Variants in BICRA observed in about 807,000 individuals in gnomAD.
The protein encoded by BICRA is BRD4 interacting chromatin remodeling complex associated protein, also known as BRD4-interacting chromatin-remodeling complex-associated protein.
BICRA carries 31 observed loss-of-function variants against 96.9 expected under a neutral mutation model. The observed-to-expected ratio is 0.32, with a 90% CI of 0.24 to 0.43. The LOEUF is 0.43. Ranked by LOEUF, BICRA falls within the 20% of genes least tolerant of loss-of-function variation. BICRA has a pLI of 1.00. For missense variants in BICRA, 2,283 were observed against 2,190.3 expected (o/e 1.04, Z -0.84); for synonymous variants, 1,350 against 1,071.8 (o/e 1.26, Z -5.07).
chr19:47,620,700 A>C (rs1466810391), intron 1 of BICRA, among the ~76,000 whole-genome samples: 2 of 151,084 alleles, frequency 1.3e-5, no homozygotes, highest in African/African-American at 2.4e-5. Context: ...CAAGAACAAA[A>C]CCCACATGCT....
At chr19:47,621,937 G>A (rs1358780779) in intron 1 of BICRA, among the ~76,000 whole-genome samples, 3 of 150,828 alleles carry the variant, frequency 2.0e-5, no homozygotes, top group Non-Finnish European at 3.0e-5. Context: ...TGTTACAGGC[G>A]TGCACCACCA....
intron 1 of BICRA, among the ~76,000 whole-genome samples, chr19:47,618,102 G>C (rs1972011284): frequency 6.6e-6 from 1 of 152,170 alleles, no homozygotes; most frequent in Admixed American, 6.5e-5. Context: ...AAACCCTGTG[G>C]GTTGTTTCTG....
chr19:47,636,345 T>C (rs2123529263), intron 1 of BICRA, among the ~76,000 whole-genome samples: 2 of 152,292 alleles, frequency 1.3e-5, no homozygotes, highest in Admixed American at 1.3e-4. Context: ...GATCTGGGAC[T>C]ACAGGCATGT....
chr19:47,692,337 C>T (rs1181383666), intron 7 of BICRA, among the ~76,000 whole-genome samples: 1 of 152,148 alleles, frequency 6.6e-6, no homozygotes, highest in African/African-American at 2.4e-5. Context: ...AGCAATTCTC[C>T]AGCCTCAGTC....
Position 47,701,443 on chromosome 19 carries a change from G to C in BICRA, c.3711G>C (p.Gln1237His), listed in dbSNP as rs1446007327. 1.3e-6 allele frequency: 2 copies of C among 1,572,066 alleles called. No individual in the cohort carries two copies. Among genetic ancestry groups the C allele is most frequent in the African/African-American group, 2.7e-5 (2 of 73,830 alleles). Residue 1237 changes from glutamine (Q) to histidine (H), a missense_variant, in exon 15 of 15, where the codon CAG becomes CAC. Transcript: ENST00000594866. The surrounding 1 kb of genome is among the most constrained non-coding windows in gnomAD (Gnocchi z 5.4). ...LSSSAPGAST[Q>H]PPPHLPTKLV... is the part of the protein sequence containing the mutation. ...CTTCAGCTCCCGGGGCCTCCACCCAGCCCCCTCCACACCTGCCCACCAAGC... is the reference window on the plus strand; with the variant it reads ...CTTCAGCTCCCGGGGCCTCCACCCACCCCCCTCCACACCTGCCCACCAAGC...
intron 1 of BICRA, among the ~76,000 whole-genome samples, chr19:47,634,165 C>T (rs139272608): frequency 2.0e-4 from 31 of 152,246 alleles, no homozygotes; most frequent in African/African-American, 7.2e-4. Context: ...TGAGCAGTGG[C>T]GTCAGGCCTT....
chr19:47,635,943 T>G (rs1159203460), intron 1 of BICRA, among the ~76,000 whole-genome samples: 1 of 152,190 alleles, frequency 6.6e-6, no homozygotes, highest in Non-Finnish European at 1.5e-5. Flanking sequence ...TCTGAAACTT[T>G]TTGATCACCA....
intron 1 of BICRA, among the ~76,000 whole-genome samples, chr19:47,637,050 C>T (rs1169108350): frequency 2.0e-5 from 3 of 152,138 alleles, no homozygotes; most frequent in African/African-American, 7.2e-5. Flanking sequence ...GCGTCTCTCT[C>T]ACTGCTTATT....
chr19:47,673,552 T>G lies in BICRA; in HGVS notation c.-5-18T>G. 1.9e-6 allele frequency: 3 copies of G among 1,609,504 alleles called. No homozygotes were observed. Among genetic ancestry groups the G allele is most frequent in the Non-Finnish European group, 2.6e-6 (3 of 1,175,940 alleles). Reference sequence around the variant, plus strand: ...AACCTTGTCTCCCTCGCCCTCTTCCTGACCCCACCCCATCCAGTGGCGATG... The same window carrying G: ...AACCTTGTCTCCCTCGCCCTCTTCCGGACCCCACCCCATCCAGTGGCGATG... On this transcript the variant is annotated intron_variant, in intron 2 of 14. Transcript: ENST00000594866.
At chr19:47,629,936 C>G (rs1275308305) in intron 1 of BICRA, among the ~76,000 whole-genome samples, 1 of 152,238 alleles carries the variant, frequency 6.6e-6, no homozygotes, top group Non-Finnish European at 1.5e-5. Context: ...GCTGGGATTA[C>G]AGGCATGAGC....
chr19:47,698,990 C>T lies in BICRA; in HGVS notation c.3423C>T (p.Ser1141=). 1 of 1,586,196 alleles carries T rather than the reference C, an allele frequency of 6.3e-7. No individual in the cohort carries two copies. Among genetic ancestry groups the T allele is most frequent in the Non-Finnish European group, 8.6e-7 (1 of 1,166,802 alleles). Residue 1141 remains serine (S), a synonymous_variant, in exon 13 of 15, where the codon TCC becomes TCT. Coordinates refer to ENST00000594866, the MANE Select transcript of BICRA (RefSeq NM_001394372.1). This position sits in a 1 kb window ranked among gnomAD's most constrained non-coding sequence, Gnocchi z 4.8. ...HKVDEEFETV[S]TQLLKRTQAM... ...TGGACGAGGAGTTTGAGACGGTCTC[C>T]ACGCAGCTGCTGAAACGCACCCAGG...
chr19:47,682,079 C>T lies in BICRA; in HGVS notation c.2210C>T (p.Thr737Ile), dbSNP rs1430672945. Residue 737 changes from threonine (T) to isoleucine (I), a missense_variant, in exon 7 of 15, where the codon ACC becomes ATC. Thr to Ile is a moderately conservative substitution (Grantham distance 89). Coordinates refer to ENST00000594866, the MANE Select transcript of BICRA (RefSeq NM_001394372.1). ...CCCGCCCAAGACCCAGCCCCAGCCA[C>T]CCCCGTCGCCAAAGGAGCTGGCCTC... ...PPPAQDPAPATPVAKGAGLGP... is the reference protein window; with the variant it reads ...PPPAQDPAPAIPVAKGAGLGP... The T allele has an allele frequency of 1.3e-6, 2 of 1,514,824 alleles. No homozygotes were observed. Among genetic ancestry groups the T allele is most frequent in the Non-Finnish European group, 1.8e-6 (2 of 1,115,882 alleles). 93.8% of individuals were successfully genotyped at this position (1,514,824 alleles called of 1,614,324 possible).
At chr19:47,687,699 G>T (rs1973179884) in intron 7 of BICRA, among the ~76,000 whole-genome samples, 1 of 152,000 alleles carries the variant, frequency 6.6e-6, no homozygotes, top group African/African-American at 2.4e-5. Flanking sequence ...TACTTGGGAG[G>T]CTGAGGCAGG....
At chr19:47,671,698 G>T (rs1972863818) in intron 2 of BICRA, among the ~76,000 whole-genome samples, 1 of 151,254 alleles carries the variant, frequency 6.6e-6, no homozygotes, top group South Asian at 2.1e-4. Flanking sequence ...TAGAAGGATG[G>T]AGGGATGGGT....
intron 1 of BICRA, among the ~76,000 whole-genome samples, chr19:47,625,998 A>G (rs1260933790): frequency 6.6e-6 from 1 of 152,074 alleles, no homozygotes; most frequent in Non-Finnish European, 1.5e-5. Flanking sequence ...AGGGAGCTCC[A>G]GTCCTTTTAG....
At chr19:47,688,605 A>G (rs1973193609) in intron 7 of BICRA, among the ~76,000 whole-genome samples, 2 of 151,848 alleles carry the variant, frequency 1.3e-5, no homozygotes, top group South Asian at 4.1e-4. Flanking sequence ...CCTGGCCAAC[A>G]TGGTGAAACC....
chr19:47,680,902 G>A lies in BICRA; in HGVS notation c.1732G>A (p.Ala578Thr), dbSNP rs1973038841. Reference sequence around the variant, plus strand: ...GAGCCAGCCAGCGCCCGCCGGGCCGGCCGCCACCACTGTCCTCCAGGGGGT... The same window carrying A: ...GAGCCAGCCAGCGCCCGCCGGGCCGACCGCCACCACTGTCCTCCAGGGGGT... ...TQSQPAPAGP[A>T]ATTVLQGVTL... The change falls in exon 6 of 15, where the codon GCC becomes ACC. Residue 578 changes from alanine (A) to threonine (T), a missense_variant. By Grantham distance (58) the Ala-to-Thr change is moderately conservative. Transcript: ENST00000594866. 4 of 1,485,162 alleles carry A rather than the reference G, an allele frequency of 2.7e-6. No homozygotes were observed. The highest frequency in any genetic ancestry group is 1.3e-5 in the South Asian group (1 of 74,890). 92.0% of individuals were successfully genotyped at this position (1,485,162 alleles called of 1,614,324 possible).
Position 47,680,705 on chromosome 19 carries a change from A to G in BICRA, c.1535A>G (p.Asn512Ser), listed in dbSNP as rs1973032096. 2 of 1,600,188 alleles carry G rather than the reference A, an allele frequency of 1.2e-6. No individual in the cohort carries two copies. Among genetic ancestry groups the G allele is most frequent in the Non-Finnish European group, 1.7e-6 (2 of 1,174,356 alleles). The change falls in exon 6 of 15, where the codon AAC (asparagine) becomes AGC (serine). Residue 512 changes from asparagine to serine, a missense_variant. Asn to Ser is a conservative substitution (Grantham distance 46). Coordinates refer to ENST00000594866, the MANE Select transcript of BICRA (RefSeq NM_001394372.1). ...CACACAGGTGGACAGCTCATCGCGA[A>G]CCCCATCCTCACAAACCAGAACCTG... Reference protein sequence around the residue: ...APHTGGQLIANPILTNQNLAG... With the variant: ...APHTGGQLIASPILTNQNLAG...
rs550603671 is a variant in BICRA, at chr19:47,675,096, G to A, written c.85-755G>A. On this transcript the variant is annotated intron_variant, in intron 4 of 14. Transcript: ENST00000594866. The surrounding 1 kb of genome is among the most constrained non-coding windows in gnomAD (Gnocchi z 4.7). ...GAGGTGGCATCAACTAGACTTGCTGGTGGACTCGATGTTGAGGGGGAGAGA... is the reference window on the plus strand; with the variant it reads ...GAGGTGGCATCAACTAGACTTGCTGATGGACTCGATGTTGAGGGGGAGAGA... 1.3e-5 allele frequency among the ~76,000 whole-genome samples: 2 copies of A among 152,286 alleles called. No individual in the cohort carries two copies. Among genetic ancestry groups the A allele is most frequent in the East Asian group, 1.9e-4 (1 of 5,190 alleles).
Sources: allele counts gnomAD v4.1 joint callset (sites outside exome capture counted in the v4.1 genomes callset), GRCh38; gene constraint gnomAD v4.1.1; non-coding constraint Gnocchi (gnomAD v3.1); transcripts MANE v1.5; gene names NCBI Gene and HGNC (gene_info 2026-07-23, HGNC 2026-07-21).